ZNF280C: variants seen among roughly 807,000 people sequenced by gnomAD.
The protein encoded by ZNF280C is suppressor of hairy wing homolog 3.
ZNF280C carries 14 observed loss-of-function variants against 53.6 expected under a neutral mutation model. The ratio of observed to expected loss-of-function variants is 0.26; its 90% CI spans 0.17 to 0.41. The LOEUF (loss-of-function observed/expected upper bound fraction) is 0.41. Ranked by LOEUF, ZNF280C falls within the 10% of genes least tolerant of loss-of-function variation. The pLI, the probability that ZNF280C is intolerant of heterozygous loss-of-function variation, is 1.00. For missense variants in ZNF280C, 416 were observed against 547.1 expected (o/e 0.76, Z 2.39); for synonymous variants, 203 against 181.1 (o/e 1.12, Z -0.97).
intron 16 of ZNF280C, 22 bp downstream of exon 16, chrX:130,209,629 GAA>G: frequency 3.8e-6 from 4 of 1,062,170 alleles, no homozygotes; most frequent in Admixed American, 2.5e-5. Context: ...TCAATTGAAA[GAA>G]AAAAAAAAGA....
At chrX:130,258,660 A>T (rs1165293241) in intron 2 of ZNF280C, among the ~76,000 whole-genome samples, 1 of 112,527 alleles carries the variant, frequency 8.9e-6, no homozygotes, top group Non-Finnish European at 1.9e-5. Context: ...AATTAAAAGT[A>T]TTAATTCATA....
intron 16 of ZNF280C, among the ~76,000 whole-genome samples, chrX:130,208,641 CTAATA>C (rs753177032): frequency 5.1e-4 from 57 of 111,262 alleles, no homozygotes; most frequent in Non-Finnish European, 8.3e-4. Flanking sequence ...AAGGTAACAC[CTAATA>C]TATTTTACTC....
At chrX:130,212,044 T>C (rs1278162560) in intron 15 of ZNF280C, among the ~76,000 whole-genome samples, 5 of 111,217 alleles carry the variant, frequency 4.5e-5, no homozygotes, top group African/African-American at 1.6e-4. Flanking sequence ...AGAACCACTG[T>C]AGTAGTGGAA....
intron 15 of ZNF280C, 113 bp downstream of exon 15, chrX:130,215,080 G>GGA (rs2032085167): frequency 3.9e-6 from 3 of 763,461 alleles, no homozygotes; most frequent in Admixed American, 3.3e-5. Context: ...CCTATTGCTA[G>GGA]ACCCTTTTAG....
At chrX:130,222,328 A>ACC in intron 12 of ZNF280C, among the ~76,000 whole-genome samples, 1 of 102,825 alleles carries the variant, frequency 9.7e-6, no homozygotes, top group African/African-American at 3.6e-5. Context: ...ACACACACAC[A>ACC]CACCCTTCTC....
intron 9 of ZNF280C, among the ~76,000 whole-genome samples, chrX:130,229,341 T>G (rs1251455681): frequency 1.8e-5 from 2 of 112,534 alleles, no homozygotes; most frequent in Non-Finnish European, 3.8e-5. Context: ...TCTTTGTTTC[T>G]AAAATAATCC....
chrX:130,248,990 C>T (rs1336165172), intron 2 of ZNF280C, among the ~76,000 whole-genome samples: 2 of 111,790 alleles, frequency 1.8e-5, no homozygotes, highest in Admixed American at 9.4e-5. Context: ...CCATTGTAGT[C>T]GGAGCCTTGG....
Position 130,221,829 on chromosome X carries a change from G to A in ZNF280C, c.1396-1349C>T, listed in dbSNP as rs1049866657. 2.7e-5 allele frequency among the ~76,000 whole-genome samples: 3 copies of A among 111,195 alleles called. No individual in the cohort carries two copies. In the South Asian group the frequency reaches 1.1e-3, roughly 42 times the overall value. ...TTTCTCCTAGTCTGTTCTTCCCATA[G>A]CTGTCAGAGTGATCTTAAAATGTTA... On this transcript the variant is annotated intron_variant, in intron 12 of 18. Coordinates refer to ENST00000370978, the MANE Select transcript of ZNF280C (RefSeq NM_017666.5).
chrX:130,228,131 G>C (rs1340315844), intron 10 of ZNF280C, among the ~76,000 whole-genome samples: 2 of 111,924 alleles, frequency 1.8e-5, no homozygotes, highest in Non-Finnish European at 3.8e-5. Context: ...TAACATTGTA[G>C]TTAACTTTTG....
At chrX:130,257,563 T>G (rs960744797) in intron 2 of ZNF280C, among the ~76,000 whole-genome samples, 1 of 111,096 alleles carries the variant, frequency 9.0e-6, no homozygotes, top group African/African-American at 3.3e-5. Context: ...TTTTAAAAAT[T>G]GAGAAACGTG....
rs2031950620 is a variant in ZNF280C at position 130,204,558 on chromosome X, T to A, written c.*419A>T. ...GTGTTGCTTCTTCATTTGAAAAATA[T>A]GAAAAATAGAACAGTAATGAACAAG... On this transcript the variant is annotated 3_prime_UTR_variant, in exon 19 of 19. Coordinates refer to ENST00000370978, the MANE Select transcript of ZNF280C (RefSeq NM_017666.5). 1 of 120,644 alleles carries A rather than the reference T, an allele frequency of 8.3e-6. No individual in the cohort carries two copies. The highest frequency in any genetic ancestry group is 1.7e-5 in the Non-Finnish European group (1 of 59,090). 9.9% of individuals were successfully genotyped at this position (120,644 alleles called of 1,213,427 possible).
At chrX:130,241,407 G>A (rs1244084607) in intron 5 of ZNF280C, among the ~76,000 whole-genome samples, 2 of 112,305 alleles carry the variant, frequency 1.8e-5, no homozygotes, top group Admixed American at 1.9e-4. Flanking sequence ...CCCTGAAAGA[G>A]ACTTAGGGAA....
intron 1 of ZNF280C, among the ~76,000 whole-genome samples, chrX:130,266,067 C>A (rs753898246): frequency 8.9e-6 from 1 of 112,049 alleles, no homozygotes; most frequent in East Asian, 2.8e-4. Context: ...GAAACTGAGA[C>A]AGATTTCAAA....
rs755522890 is a variant in ZNF280C at position 130,205,097 on chromosome X, T to C, written c.2198+20A>G. ...TAAAGTCCATCAAAGCAAAATGCAC[T>C]GAAGGAAAATTAAACTTACCCAGTA... On this transcript the variant is annotated intron_variant, in intron 18 of 18. Transcript: ENST00000370978. 8.4e-7 allele frequency: 1 copy of C among 1,190,315 alleles called. No individual in the cohort carries two copies. The highest frequency in any genetic ancestry group is 1.1e-6 in the Non-Finnish European group (1 of 886,154).
chrX:130,216,032 C>T lies in ZNF280C; in HGVS notation c.1597G>A (p.Gly533Ser), dbSNP rs1243184068. The T allele has an allele frequency of 8.3e-7, 1 of 1,211,486 alleles. No homozygotes were observed. Among genetic ancestry groups the T allele is most frequent in the South Asian group, 1.8e-5 (1 of 56,978 alleles). Residue 533 changes from glycine to serine, a missense_variant, in exon 14 of 19, where the codon GGC becomes AGC. Transcript: ENST00000370978. The stretch of plus-strand genomic sequence containing the variant: ...GGTGTGACCTGAAGAAAAGAAGTGC[C>T]TGGAGCGCAACCGAAAGGTGCAGTT... ...LPTAPFGCAPGTSFLQVTPPT... is the reference protein window; with the variant it reads ...LPTAPFGCAPSTSFLQVTPPT...
intron 12 of ZNF280C, 69 bp downstream of exon 12, chrX:130,226,690 G>T: frequency 9.5e-7 from 1 of 1,055,664 alleles, no homozygotes; most frequent in Admixed American, 2.8e-5. Context: ...TGTAGCTATA[G>T]ATCTATACAT....
intron 2 of ZNF280C, among the ~76,000 whole-genome samples, chrX:130,256,048 C>T (rs1290360650): frequency 9.0e-6 from 1 of 111,426 alleles, no homozygotes. Context: ...GGGAGAATCA[C>T]CTGAGCTCCA....
intron 2 of ZNF280C, among the ~76,000 whole-genome samples, chrX:130,251,604 G>C (rs1195098173): frequency 9.0e-6 from 1 of 110,803 alleles, no homozygotes; most frequent in Non-Finnish European, 1.9e-5. Flanking sequence ...AGTGAATTAA[G>C]AGGCCATGGG....
At chrX:130,242,904 C>T (rs946900922) in intron 5 of ZNF280C, among the ~76,000 whole-genome samples, 1 of 111,286 alleles carries the variant, frequency 9.0e-6, no homozygotes, top group Non-Finnish European at 1.9e-5. Context: ...TCTCGAACTA[C>T]TGAGCTCAAG....
Sources: allele counts gnomAD v4.1 joint callset (sites outside exome capture counted in the v4.1 genomes callset), GRCh38; gene constraint gnomAD v4.1.1; transcripts MANE v1.5; gene names NCBI Gene and HGNC (gene_info 2026-07-23, HGNC 2026-07-21).